The following CSMD1 variants were observed in gnomAD, a reference collection of about 807,000 sequenced individuals.
CSMD1 encodes CUB and sushi domain-containing protein 1.
CSMD1 carries 213 observed loss-of-function variants against 417.5 expected under a neutral mutation model. The ratio of observed to expected loss-of-function variants is 0.51; its 90% CI spans 0.46 to 0.57. The LOEUF is 0.57. Ranked by LOEUF, CSMD1 falls within the 20% of genes least tolerant of loss-of-function variation. The pLI is 0.00. For synonymous variants in CSMD1, 2,862 were observed against 1,736.8 expected, an observed-to-expected ratio of 1.65 and a Z score of -16.11; for missense variants, 6,923 against 4,529.7, an observed-to-expected ratio of 1.53 and a Z score of -15.17.
intron 5 of CSMD1, among the ~76,000 whole-genome samples, chr8:3,934,530 G>T (rs1032151185): frequency 3.9e-5 from 6 of 152,120 alleles, no homozygotes; most frequent in African/African-American, 1.4e-4. Flanking sequence ...CTAAACAAGT[G>T]CTGCCTTTAT....
rs79919678 is a variant in CSMD1, at chr8:4,427,060, A to T, written c.303-6995T>A. ...TGGTGTAGACGGAACAGCCCCAGAG[A>T]GCTTGGGAGATCAAAGAGCACAGGT... On this transcript the variant is annotated intron_variant, in intron 2 of 69. Transcript: ENST00000635120. Among the ~76,000 whole-genome samples the T allele has an allele frequency of 3.5e-4, 53 of 152,098 alleles. 1 individual carries two copies. In the East Asian group the frequency reaches 9.5e-3, roughly 27 times the overall value.
chr8:4,913,446 A>C (rs1233223208), intron 1 of CSMD1, among the ~76,000 whole-genome samples: 1 of 152,174 alleles, frequency 6.6e-6, no homozygotes, highest in Admixed American at 6.5e-5. Flanking sequence ...TTCTTCACTG[A>C]ATGCTATTAA....
intron 2 of CSMD1, among the ~76,000 whole-genome samples, chr8:4,458,171 T>C (rs545055145): frequency 2.0e-5 from 3 of 152,328 alleles, no homozygotes; most frequent in Admixed American, 6.5e-5. Flanking sequence ...TGCTGATTAA[T>C]ATACTAAATA....
chr8:4,878,656 T>C (rs567729328), intron 1 of CSMD1, among the ~76,000 whole-genome samples: 186 of 152,152 alleles, frequency 1.2e-3, no homozygotes, highest in Non-Finnish European at 2.3e-3. Context: ...GGAAATTTCA[T>C]TACTTGTGAA....
intron 12 of CSMD1, among the ~76,000 whole-genome samples, chr8:3,419,233 A>C (rs1452140723): frequency 6.6e-6 from 1 of 152,220 alleles, no homozygotes; most frequent in Admixed American, 6.5e-5. Flanking sequence ...ACAGAAGGAT[A>C]CTATCAGGCT....
chr8:3,816,784 A>C (rs539463394), intron 5 of CSMD1, among the ~76,000 whole-genome samples: 2 of 152,262 alleles, frequency 1.3e-5, no homozygotes, highest in East Asian at 3.9e-4. Context: ...TTTTTTTAAA[A>C]TATGGTATAC....
At chr8:3,032,984 A>C (rs1810442596) in intron 50 of CSMD1, among the ~76,000 whole-genome samples, 1 of 152,120 alleles carries the variant, frequency 6.6e-6, no homozygotes, top group African/African-American at 2.4e-5. Flanking sequence ...CTTTTACTCA[A>C]GTCCAAGAGA....
At chr8:4,392,902 G>A (rs1031366554) in intron 3 of CSMD1, among the ~76,000 whole-genome samples, 46 of 152,052 alleles carry the variant, frequency 3.0e-4, no homozygotes, top group African/African-American at 1.1e-3. Context: ...CCAGGAGACG[G>A]AGCTTGCAGT....
chr8:4,219,952 T>G (rs1800927881), intron 3 of CSMD1, among the ~76,000 whole-genome samples: 1 of 152,166 alleles, frequency 6.6e-6, no homozygotes, highest in Non-Finnish European at 1.5e-5. Context: ...TAAAAATTTT[T>G]TAATGCTTTT....
intron 3 of CSMD1, among the ~76,000 whole-genome samples, chr8:4,127,210 C>T (rs888011005): frequency 1.3e-5 from 2 of 152,054 alleles, no homozygotes; most frequent in African/African-American, 4.8e-5. Context: ...GTCCGGCCCC[C>T]TCCAGGATCA....
intron 3 of CSMD1, among the ~76,000 whole-genome samples, chr8:4,242,342 G>A (rs113167268): frequency 6.6e-6 from 1 of 152,036 alleles, no homozygotes; most frequent in Non-Finnish European, 1.5e-5. Context: ...ATGAAAATTT[G>A]CAACCTCCCT....
intron 49 of CSMD1, among the ~76,000 whole-genome samples, chr8:3,065,657 T>C (rs7840952): frequency 0.99 from 150,745 of 152,286 alleles, 74,618 homozygotes; most frequent in East Asian, 1. Context: ...AATGACAGAT[T>C]GATTGATCAA....
intron 3 of CSMD1, among the ~76,000 whole-genome samples, chr8:4,230,911 T>G (rs1210316999): frequency 6.6e-6 from 1 of 152,166 alleles, no homozygotes; most frequent in Non-Finnish European, 1.5e-5. Flanking sequence ...TATTATATGC[T>G]GTGATTTTTT....
chr8:3,406,784 C>A (rs1454447132), intron 14 of CSMD1, among the ~76,000 whole-genome samples: 1 of 152,204 alleles, frequency 6.6e-6, no homozygotes, highest in African/African-American at 2.4e-5. Context: ...TATTCTCTCA[C>A]TTTATTCCAT....
At chr8:3,224,404 C>T (rs936811972) in intron 27 of CSMD1, among the ~76,000 whole-genome samples, 5 of 152,198 alleles carry the variant, frequency 3.3e-5, no homozygotes, top group Non-Finnish European at 7.3e-5. Context: ...GTTTCTGGAT[C>T]TGAACAAGTG....
intron 25 of CSMD1, among the ~76,000 whole-genome samples, chr8:3,307,324 C>T (rs1194038239): frequency 2.0e-5 from 3 of 152,172 alleles, no homozygotes; most frequent in East Asian, 3.9e-4. Context: ...CCAGCTGAGG[C>T]CCTCACACCT....
chr8:4,834,860 G>C (rs1456760537), intron 1 of CSMD1, among the ~76,000 whole-genome samples: 1 of 149,938 alleles, frequency 6.7e-6, no homozygotes, highest in Non-Finnish European at 1.5e-5. Context: ...GGGAGGCTGA[G>C]GCAGGAGAAA....
At chr8:4,913,060 A>G (rs1676717971) in intron 1 of CSMD1, among the ~76,000 whole-genome samples, 1 of 152,144 alleles carries the variant, frequency 6.6e-6, no homozygotes, top group African/African-American at 2.4e-5. Flanking sequence ...AACTGCTGGG[A>G]TTACAGGGGT....
intron 5 of CSMD1, among the ~76,000 whole-genome samples, chr8:3,902,931 T>G (rs915342534): frequency 6.6e-6 from 1 of 152,128 alleles, no homozygotes; most frequent in Non-Finnish European, 1.5e-5. Context: ...TTTCTCCAGT[T>G]TCCAGCTCTA....
Sources: allele counts gnomAD v4.1 joint callset (sites outside exome capture counted in the v4.1 genomes callset), GRCh38; gene constraint gnomAD v4.1.1; transcripts MANE v1.5; gene names NCBI Gene and HGNC (gene_info 2026-07-23, HGNC 2026-07-21).